MAD1L1: variants seen among roughly 807,000 people sequenced by gnomAD.
The protein encoded by MAD1L1 is mitotic spindle assembly checkpoint protein MAD1.
In MAD1L1, 95 loss-of-function variants were observed where a neutral mutation model predicts 96.9. That is an observed-to-expected ratio of 0.98 (90% CI 0.83 to 1.16). The LOEUF (loss-of-function observed/expected upper bound fraction) is 1.16, where lower values mean the gene tolerates loss of function less well. Ranked by LOEUF, MAD1L1 falls within the 50% of genes most tolerant of loss-of-function variation. The pLI is 0.00. For synonymous variants in MAD1L1, 473 were observed against 396.6 expected (o/e 1.19, Z -2.29); for missense variants, 1,007 against 954.4 (o/e 1.06, Z -0.73).
intron 16 of MAD1L1, among the ~76,000 whole-genome samples, chr7:1,947,070 T>C (rs1033313346): frequency 6.6e-6 from 1 of 152,064 alleles, no homozygotes; most frequent in African/African-American, 2.4e-5. Context: ...TGAGGGTGAG[T>C]GTGGTGAGTT....
intron 12 of MAD1L1, among the ~76,000 whole-genome samples, chr7:2,048,640 T>G (rs1465886389): frequency 6.6e-6 from 1 of 152,218 alleles, no homozygotes; most frequent in African/African-American, 2.4e-5. Context: ...CATAGGATGT[T>G]GAGTGATGGC....
At chr7:1,918,869 C>T (rs1788589506) in intron 17 of MAD1L1, among the ~76,000 whole-genome samples, 1 of 151,776 alleles carries the variant, frequency 6.6e-6, no homozygotes, top group South Asian at 2.1e-4. Flanking sequence ...GGCCCCAGCC[C>T]CCCTCCCCTC....
At chr7:1,987,444 T>C (rs1054438252) in intron 14 of MAD1L1, among the ~76,000 whole-genome samples, 3 of 152,176 alleles carry the variant, frequency 2.0e-5, no homozygotes, top group African/African-American at 7.2e-5. Context: ...CGGGTCTAAG[T>C]ATCCCGGATG....
chr7:2,134,959 G>C (rs1302525734), intron 11 of MAD1L1, among the ~76,000 whole-genome samples: 2 of 152,176 alleles, frequency 1.3e-5, no homozygotes, highest in African/African-American at 4.8e-5. Context: ...GGATACATGA[G>C]TCACCGTTTC....
In MAD1L1 at chr7:1,968,689, A is replaced by G. The variant is rs1323629148; in HGVS notation, c.1506-10970T>C. On this transcript the variant is annotated intron_variant, in intron 15 of 18. Coordinates refer to ENST00000265854, the MANE Select transcript of MAD1L1 (RefSeq NM_001013836.2). This position sits in a 1 kb window ranked among gnomAD's most constrained non-coding sequence, Gnocchi z 5.6. The stretch of plus-strand genomic sequence containing the variant: ...AGGGGCTCCCTGATGGGACGTGGTG[A>G]GAAAGGACTTGTCGTCTGTGATCTT... Among the ~76,000 whole-genome samples the G allele has an allele frequency of 1.3e-5, 2 of 152,364 alleles. No individual in the cohort carries two copies. The highest frequency in any genetic ancestry group is 4.1e-4 in the South Asian group (2 of 4,826).
intron 14 of MAD1L1, among the ~76,000 whole-genome samples, chr7:1,987,395 C>T (rs948163451): frequency 1.3e-5 from 2 of 152,158 alleles, no homozygotes; most frequent in Admixed American, 6.5e-5. Flanking sequence ...GCACGTCCAG[C>T]GTGTGTGCGG....
At chr7:2,000,964 G>A (rs973596259) in intron 14 of MAD1L1, among the ~76,000 whole-genome samples, 2 of 152,210 alleles carry the variant, frequency 1.3e-5, no homozygotes, top group Admixed American at 6.5e-5. Flanking sequence ...CTCTCAAGAC[G>A]GTGATTTCCA....
chr7:1,902,393 G>T (rs1193123649), intron 17 of MAD1L1, among the ~76,000 whole-genome samples: 2 of 152,210 alleles, frequency 1.3e-5, no homozygotes, highest in Non-Finnish European at 2.9e-5. Flanking sequence ...GGGAGAGCCA[G>T]CACACAGCTG....
chr7:1,898,482 C>T (rs1278343597), intron 17 of MAD1L1, 92 bp from the exon 18 acceptor site: 2 of 1,116,614 alleles, frequency 1.8e-6, no homozygotes, highest in Non-Finnish European at 1.3e-6. Context: ...AAGCCGAGTA[C>T]AGGTGGGAGT....
chr7:2,194,746 A>C (rs1418517991), intron 10 of MAD1L1, among the ~76,000 whole-genome samples: 2 of 152,178 alleles, frequency 1.3e-5, no homozygotes, highest in Non-Finnish European at 2.9e-5. Flanking sequence ...AGCATACTAA[A>C]TGATGAAACA....
intron 12 of MAD1L1, among the ~76,000 whole-genome samples, chr7:2,055,839 C>T (rs931471541): frequency 2.0e-5 from 3 of 151,030 alleles, no homozygotes; most frequent in African/African-American, 7.3e-5. Context: ...ATTAGCTGGA[C>T]ATGGTGGCAG....
chr7:2,149,703 T>C (rs1679097264), intron 10 of MAD1L1, among the ~76,000 whole-genome samples: 1 of 152,214 alleles, frequency 6.6e-6, no homozygotes, highest in Non-Finnish European at 1.5e-5. Context: ...ATTGTCTCAG[T>C]GAATGCCCCA....
At chr7:2,020,307 C>A (rs1782730240) in intron 12 of MAD1L1, among the ~76,000 whole-genome samples, 1 of 152,180 alleles carries the variant, frequency 6.6e-6, no homozygotes, top group African/African-American at 2.4e-5. Flanking sequence ...ACTCACGAGG[C>A]CCGAGATTGC....
Position 2,103,290 on chromosome 7 carries a change from C to T in MAD1L1, c.1074-33952G>A, listed in dbSNP as rs573417412. On this transcript the variant is annotated intron_variant, in intron 11 of 18. Coordinates refer to ENST00000265854, the MANE Select transcript of MAD1L1 (RefSeq NM_001013836.2). The surrounding 1 kb of genome is among the most constrained non-coding windows in gnomAD (Gnocchi z 4.3). ...GCAGCCCAAGCCATGGCTGCCCCGA[C>T]GGGCCCTGCACACACAGTCATACCT... 1.3e-5 allele frequency among the ~76,000 whole-genome samples: 2 copies of T among 152,284 alleles called. No individual in the cohort carries two copies. Among genetic ancestry groups the T allele is most frequent in the South Asian group, 4.1e-4 (2 of 4,826 alleles).
intron 11 of MAD1L1, among the ~76,000 whole-genome samples, chr7:2,122,193 T>C (rs1788011849): frequency 6.6e-6 from 1 of 152,222 alleles, no homozygotes; most frequent in Admixed American, 6.5e-5. Flanking sequence ...GCCAGAGGGC[T>C]GGGACAGAGG....
intron 11 of MAD1L1, among the ~76,000 whole-genome samples, chr7:2,105,907 G>T (rs1261264775): frequency 2.6e-5 from 4 of 151,952 alleles, no homozygotes; most frequent in Non-Finnish European, 5.9e-5. Flanking sequence ...AACACCTTCT[G>T]GAGCACAGTC....
At chr7:2,181,488 T>C (rs539488381) in intron 10 of MAD1L1, among the ~76,000 whole-genome samples, 3 of 152,366 alleles carry the variant, frequency 2.0e-5, no homozygotes, top group African/African-American at 7.2e-5. Context: ...CACAGTGAGA[T>C]ACCACCTTAA....
At chr7:2,026,774 T>C (rs1388564253) in intron 12 of MAD1L1, among the ~76,000 whole-genome samples, 1 of 152,174 alleles carries the variant, frequency 6.6e-6, no homozygotes, top group Admixed American at 6.5e-5. Context: ...CATCAAAACG[T>C]ACGGTATGCA....
Position 2,116,576 on chromosome 7 carries a change from G to C in MAD1L1, c.1073+32576C>G, listed in dbSNP as rs539855661. ...TGGCAGGCCAGAGGGTTGGGGGGGG[G>C]GGGGGCTCCTGTGTGTACACAGGGC... On this transcript the variant is annotated intron_variant, in intron 11 of 18. Coordinates refer to ENST00000265854, the MANE Select transcript of MAD1L1 (RefSeq NM_001013836.2). Among the ~76,000 whole-genome samples the C allele has an allele frequency of 4.6e-5, 7 of 151,170 alleles. No homozygotes were observed. In the East Asian group the frequency reaches 5.9e-4, roughly 13 times the overall value.
Sources: allele counts gnomAD v4.1 joint callset (sites outside exome capture counted in the v4.1 genomes callset), GRCh38; gene constraint gnomAD v4.1.1; non-coding constraint Gnocchi (gnomAD v3.1); transcripts MANE v1.5; gene names NCBI Gene and HGNC (gene_info 2026-07-23, HGNC 2026-07-21).